The following MARK3 variants were observed in gnomAD, a reference collection of about 807,000 sequenced individuals.
MARK3 encodes microtubule affinity regulating kinase 3, also known as MAP/microtubule affinity-regulating kinase 3.
A neutral mutation model predicts 90.1 loss-of-function variants in MARK3; 46 were observed. That is an observed-to-expected ratio of 0.51 (90% CI 0.40 to 0.65). MARK3 has a LOEUF of 0.65. Ranked by LOEUF, MARK3 falls within the 30% of genes least tolerant of loss-of-function variation. The pLI, the probability that MARK3 is intolerant of heterozygous loss-of-function variation, is 0.00. For missense variants in MARK3, 818 were observed against 947.2 expected, an observed-to-expected ratio of 0.86 and a Z score of 1.79; for synonymous variants, 321 against 332.6, an observed-to-expected ratio of 0.97 and a Z score of 0.38.
intron 12 of MARK3, chr14:103,469,072 G>T (rs1055633552): frequency 1.3e-5 from 2 of 152,106 alleles, no homozygotes; most frequent in Non-Finnish European, 2.9e-5. Flanking sequence ...GTGTATCTGT[G>T]CTGTCCAGTC....
chr14:103,477,220 G>C (rs546864475), intron 13 of MARK3, among the ~76,000 whole-genome samples: 1 of 152,102 alleles, frequency 6.6e-6, no homozygotes, highest in African/African-American at 2.4e-5. Context: ...GGCCAGGCAC[G>C]GTGGCTCACA....
intron 17 of MARK3, among the ~76,000 whole-genome samples, chr14:103,501,264 G>C (rs2075649114): frequency 1.3e-5 from 2 of 152,226 alleles, no homozygotes; most frequent in African/African-American, 4.8e-5. Flanking sequence ...GTGAGTGCCA[G>C]GCAGCATTCC....
chr14:103,439,409 GTGTTTGTT>G (rs542056890), intron 3 of MARK3, among the ~76,000 whole-genome samples: 1 of 151,860 alleles, frequency 6.6e-6, no homozygotes, highest in African/African-American at 2.4e-5. Context: ...TGTTTCTTTT[GTGTTTGTT>G]TGTTTGTTTG....
chr14:103,412,323 C>G, intron 2 of MARK3: 1 of 629,306 alleles, frequency 1.6e-6, no homozygotes, highest in Non-Finnish European at 2.8e-6. Flanking sequence ...GACTTCGCCT[C>G]ATCCACTTTG....
At chr14:103,428,479 A>G in intron 3 of MARK3, 39 bp downstream of exon 3, 1 of 1,172,124 alleles carries the variant, frequency 8.5e-7, no homozygotes. Flanking sequence ...TTAAAAAATT[A>G]TCGGTGCTAA....
chr14:103,451,179 C>T lies in MARK3; in HGVS notation c.347-739C>T, dbSNP rs183565447. ...AACTCCTCAGCAGAAACGATCCACC[C>T]GCCTCAGCCTCCCAAAGTGCTGGGA... On this transcript the variant is annotated intron_variant, in intron 4 of 17. Transcript: ENST00000429436. Among the ~76,000 whole-genome samples the T allele has an allele frequency of 1.5e-3, 222 of 151,948 alleles. 1 individual carries two copies. Among genetic ancestry groups the T allele is most frequent in the African/African-American group, 5.2e-3 (214 of 41,436 alleles).
chr14:103,501,536 A>T (rs554548883), intron 17 of MARK3, among the ~76,000 whole-genome samples: 3 of 151,832 alleles, frequency 2.0e-5, no homozygotes, highest in Admixed American at 6.6e-5. Context: ...GATCCCCTCT[A>T]CTCAAAACAA....
chr14:103,435,407 A>T (rs1316121261), intron 3 of MARK3, among the ~76,000 whole-genome samples: 4 of 149,066 alleles, frequency 2.7e-5, no homozygotes, highest in African/African-American at 9.9e-5. Context: ...ACTTATTTTT[A>T]TTTATTTATT....
chr14:103,495,992 A>C (rs1026229139), intron 15 of MARK3, among the ~76,000 whole-genome samples: 4 of 152,172 alleles, frequency 2.6e-5, no homozygotes, highest in Non-Finnish European at 5.9e-5. Context: ...CTGCTTGGAG[A>C]GCACATGGCT....
chr14:103,386,139 G>A, intron 1 of MARK3, 59 bp downstream of exon 1: 1 of 1,470,930 alleles, frequency 6.8e-7, no homozygotes, highest in Non-Finnish European at 9.5e-7. Flanking sequence ...TGCTCCTCGG[G>A]CAGTGCCTTG....
intron 1 of MARK3, among the ~76,000 whole-genome samples, chr14:103,397,048 G>A (rs1416137190): frequency 2.6e-5 from 4 of 152,032 alleles, no homozygotes; most frequent in African/African-American, 7.3e-5. Context: ...TTAATTTAAC[G>A]TATTAAATAT....
At chr14:103,462,858 CCTCA>C (rs1181905212) in intron 7 of MARK3, among the ~76,000 whole-genome samples, 1 of 152,114 alleles carries the variant, frequency 6.6e-6, no homozygotes. Flanking sequence ...CAGCCTCTGC[CCTCA>C]CTCTGGCATA....
chr14:103,388,366 C>T (rs1465368140), intron 1 of MARK3, among the ~76,000 whole-genome samples: 2 of 152,212 alleles, frequency 1.3e-5, no homozygotes, highest in African/African-American at 4.8e-5. Flanking sequence ...GTGTAGCTTT[C>T]ACAGTGTGGA....
At chr14:103,415,393 A>G (rs1421971528) in intron 2 of MARK3, among the ~76,000 whole-genome samples, 1 of 152,114 alleles carries the variant, frequency 6.6e-6, no homozygotes, top group Non-Finnish European at 1.5e-5. Context: ...CAAAATGCTC[A>G]TTTTATATAT....
chr14:103,435,471 C>T (rs2092691703), intron 3 of MARK3, among the ~76,000 whole-genome samples: 1 of 152,134 alleles, frequency 6.6e-6, no homozygotes, highest in African/African-American at 2.4e-5. Flanking sequence ...TGCAGTGGTG[C>T]GATCTCAGCT....
rs565153859 is a variant in MARK3, at chr14:103,405,606, G to A, written c.243+339G>A. Among the ~76,000 whole-genome samples the A allele has an allele frequency of 3.9e-4, 59 of 152,284 alleles. No individual in the cohort carries two copies. The East Asian group carries it at 8.5e-3, about 22-fold the overall frequency. ...TCCGCCCGTCTCGGCCTCCCAAAGT[G>A]CTGGGATTACAGGCGTGAGCCATAG... On this transcript the variant is annotated intron_variant, in intron 2 of 17. Transcript: ENST00000429436.
At chr14:103,492,253 A>G (rs2094029296) in intron 15 of MARK3, among the ~76,000 whole-genome samples, 2 of 152,190 alleles carry the variant, frequency 1.3e-5, no homozygotes. Flanking sequence ...ACTAGCATTT[A>G]GGAGGTTTTT....
chr14:103,470,462 T>TTTTTTTTTC lies in MARK3; in HGVS notation c.1264+2284_1264+2285insCTTTTTTTT, dbSNP rs1555396296. Among the ~76,000 whole-genome samples the TTTTTTTTTC allele has an allele frequency of 4.1e-4, 42 of 103,226 alleles. 5 individuals are homozygous for TTTTTTTTTC. The highest frequency in any genetic ancestry group is 1.3e-3 in the African/African-American group (42 of 31,736). 67.7% of individuals were successfully genotyped at this position (103,226 alleles called of 152,430 possible). On this transcript the variant is annotated intron_variant, in intron 12 of 17. Transcript: ENST00000429436. ...GATTCAGGAACTAAATCTATTTTTT[T>TTTTTTTTTC]TTTTTTTTTTGAGATGGAGTTTCAC...
chr14:103,479,247 G>A (rs2093774456), intron 13 of MARK3, among the ~76,000 whole-genome samples: 1 of 151,988 alleles, frequency 6.6e-6, no homozygotes, highest in Admixed American at 6.6e-5. Flanking sequence ...CAGCCAGGCT[G>A]GTCTCAAACT....
Sources: gnomAD v4.1 joint callset for allele counts (sites outside exome capture counted in the v4.1 genomes callset) on GRCh38, gnomAD v4.1.1 for gene constraint, MANE v1.5 for transcripts, NCBI Gene and HGNC (gene_info 2026-07-23, HGNC 2026-07-21) for gene names.